The following NR3C1 variants were observed in gnomAD, a reference collection of about 807,000 sequenced individuals.
NR3C1 encodes glucocorticoid receptor.
A neutral mutation model predicts 74.0 loss-of-function variants in NR3C1; 14 were observed. The observed-to-expected ratio is 0.19, with a 90% confidence interval of 0.12 to 0.30. The LOEUF (loss-of-function observed/expected upper bound fraction) is 0.30, where lower values mean the gene tolerates loss of function less well. Ranked by LOEUF, NR3C1 falls within the 10% of genes least tolerant of loss-of-function variation. NR3C1 has a pLI of 1.00. For synonymous variants in NR3C1, 308 were observed against 332.5 expected (o/e 0.93, Z 0.80); for missense variants, 695 against 909.8 (o/e 0.76, Z 3.04).
At chr5:143,352,465 A>G (rs1161004955) in intron 2 of NR3C1, among the ~76,000 whole-genome samples, 2 of 152,132 alleles carry the variant, frequency 1.3e-5, no homozygotes, top group Admixed American at 1.3e-4. Flanking sequence ...TTAGAGAAAA[A>G]CATTTTCATC....
intron 2 of NR3C1, among the ~76,000 whole-genome samples, chr5:143,363,471 A>G (rs1832641582): frequency 6.6e-6 from 1 of 152,172 alleles, no homozygotes; most frequent in African/African-American, 2.4e-5. Flanking sequence ...CTTCATAGAC[A>G]AAGACTTAAA....
chr5:143,335,040 T>C (rs981696723), intron 2 of NR3C1, among the ~76,000 whole-genome samples: 1 of 152,150 alleles, frequency 6.6e-6, no homozygotes, highest in African/African-American at 2.4e-5. Flanking sequence ...ATAGAGAACA[T>C]GAGGGGTTCA....
chr5:143,310,891 C>T (rs549955502), intron 3 of NR3C1, among the ~76,000 whole-genome samples: 133 of 152,208 alleles, frequency 8.7e-4, no homozygotes, highest in Middle Eastern at 3.4e-3. Flanking sequence ...CTCAGGACCT[C>T]GTGATCCACC....
intron 1 of NR3C1, among the ~76,000 whole-genome samples, chr5:143,402,026 T>C (rs934811840): frequency 7.9e-5 from 12 of 152,228 alleles, no homozygotes; most frequent in African/African-American, 2.9e-4. Context: ...TAACTTTTCC[T>C]ATGCGATGAC....
intron 2 of NR3C1, among the ~76,000 whole-genome samples, chr5:143,396,221 T>C (rs970287840): frequency 6.6e-6 from 1 of 151,848 alleles, no homozygotes; most frequent in African/African-American, 2.4e-5. Flanking sequence ...ACACAGTGTG[T>C]TTTAAAAACT....
intron 2 of NR3C1, among the ~76,000 whole-genome samples, chr5:143,336,119 T>C (rs1209375759): frequency 2.6e-5 from 4 of 152,236 alleles, no homozygotes; most frequent in African/African-American, 7.2e-5. Flanking sequence ...ATTGAGGACA[T>C]AGCTATAAAG....
chr5:143,403,334 A>T lies in NR3C1; in HGVS notation c.-137T>A, dbSNP rs188891206. The T allele has an allele frequency of 5.5e-4, 539 of 985,414 alleles. 3 individuals carry two copies. The African/African-American group carries it at 9.0e-3, about 16-fold the overall frequency. 61.0% of individuals were successfully genotyped at this position (985,414 alleles called of 1,614,324 possible). On this transcript the variant is annotated 5_prime_UTR_variant, in exon 1 of 9. Coordinates refer to ENST00000394464, the MANE Select transcript of NR3C1 (RefSeq NM_000176.3). ...TATATTTTTTTTTTCTAAAAAAAGG[A>T]AGTAAACAGCCGCCCCTTTCTCCAT... is the stretch of plus-strand genomic sequence containing the variant.
chr5:143,340,027 T>G (rs2151739130), intron 2 of NR3C1, among the ~76,000 whole-genome samples: 1 of 152,258 alleles, frequency 6.6e-6, no homozygotes, highest in South Asian at 2.1e-4. Context: ...GGACACAATA[T>G]TTTTAAAACA....
intron 2 of NR3C1, among the ~76,000 whole-genome samples, chr5:143,362,327 A>T (rs1832399805): frequency 6.6e-6 from 1 of 152,048 alleles, no homozygotes; most frequent in Non-Finnish European, 1.5e-5. Context: ...CTGGTATGAA[A>T]GACAGCAGAA....
At chr5:143,432,551 CTT>C (rs1167709075) in intron 1 of NR3C1, among the ~76,000 whole-genome samples, 8 of 152,148 alleles carry the variant, frequency 5.3e-5, no homozygotes, top group African/African-American at 1.9e-4. Flanking sequence ...GAAAGACACT[CTT>C]TAAAAGGCTG....
At position 143,403,389 on chromosome 5, in the gene NR3C1, G is replaced by C; in HGVS notation, c.-192C>G. 1.0e-6 allele frequency: 1 copy of C among 985,416 alleles called. No individual in the cohort carries two copies. The highest frequency in any genetic ancestry group is 1.2e-6 in the Non-Finnish European group (1 of 829,974). 61.0% of individuals were successfully genotyped at this position (985,416 alleles called of 1,614,324 possible). A position where few individuals can be genotyped will look rare whatever the true frequency, so the allele number is the denominator to read the frequency against. On this transcript the variant is annotated 5_prime_UTR_variant, in exon 1 of 9. Transcript: ENST00000394464. ...GGGGGGAGAGCCCCTATTTAAGAAA[G>C]TCTCCCATTGCCCAGCTGACAAGCC...
intron 2 of NR3C1, among the ~76,000 whole-genome samples, chr5:143,346,741 A>G (rs1297222499): frequency 2.0e-5 from 3 of 152,220 alleles, no homozygotes; most frequent in Admixed American, 1.3e-4. Context: ...ACTTAACACA[A>G]CTATACTTTA....
At chr5:143,432,013 A>C (rs1405385014) in intron 1 of NR3C1, among the ~76,000 whole-genome samples, 1 of 152,174 alleles carries the variant, frequency 6.6e-6, no homozygotes, top group Non-Finnish European at 1.5e-5. Context: ...GCGGAGTTTC[A>C]ACCTTGGTGG....
intron 1 of NR3C1, among the ~76,000 whole-genome samples, chr5:143,430,882 C>T (rs1274266090): frequency 6.6e-6 from 1 of 152,168 alleles, no homozygotes; most frequent in Non-Finnish European, 1.5e-5. Flanking sequence ...TCAGCAAGTT[C>T]CCACCGTGTT....
At chr5:143,303,436 A>T (rs1001127990) in intron 4 of NR3C1, among the ~76,000 whole-genome samples, 2 of 152,074 alleles carry the variant, frequency 1.3e-5, no homozygotes, top group African/African-American at 4.8e-5. Context: ...TCAATAATAA[A>T]AAACCTACCA....
chr5:143,346,302 C>T (rs1392638968), intron 2 of NR3C1, among the ~76,000 whole-genome samples: 4 of 152,162 alleles, frequency 2.6e-5, no homozygotes, highest in Non-Finnish European at 5.9e-5. Context: ...GTATCTGCCA[C>T]TTAACATACA....
In NR3C1 at chr5:143,403,343, G is replaced by T; in HGVS notation, c.-146C>A. ...TTTTTCTAAAAAAAGGAAGTAAACA[G>T]CCGCCCCTTTCTCCATGGGTGGGGG... is the stretch of plus-strand genomic sequence containing the variant. On this transcript the variant is annotated 5_prime_UTR_variant, in exon 1 of 9. In the 5' UTR this introduces an upstream ATG that the reference lacks. Transcript: ENST00000394464. 1 of 985,438 alleles carries T rather than the reference G, an allele frequency of 1.0e-6. No homozygotes were observed. Among genetic ancestry groups the T allele is most frequent in the Non-Finnish European group, 1.2e-6 (1 of 829,964 alleles). 61.0% of individuals were successfully genotyped at this position (985,438 alleles called of 1,614,324 possible). A position where few individuals can be genotyped will look rare whatever the true frequency, so the allele number is the denominator to read the frequency against.
At chr5:143,318,725 G>A (rs1822706052) in intron 2 of NR3C1, among the ~76,000 whole-genome samples, 2 of 151,986 alleles carry the variant, frequency 1.3e-5, no homozygotes, top group South Asian at 4.1e-4. Flanking sequence ...GGTACTCCAT[G>A]AAAAAAAGTA....
At chr5:143,308,571 C>T (rs1048407238) in intron 4 of NR3C1, among the ~76,000 whole-genome samples, 1 of 152,180 alleles carries the variant, frequency 6.6e-6, no homozygotes, top group South Asian at 2.1e-4. Flanking sequence ...CTTAATTGGT[C>T]TCTCCATGTA....
Sources: gnomAD v4.1 joint callset for allele counts (sites outside exome capture counted in the v4.1 genomes callset) on GRCh38, gnomAD v4.1.1 for gene constraint, MANE v1.5 for transcripts, NCBI Gene and HGNC (gene_info 2026-07-23, HGNC 2026-07-21) for gene names.